The following CAP2 variants were observed in gnomAD, a reference collection of about 807,000 sequenced individuals.
CAP2 encodes adenylyl cyclase-associated protein 2.
A neutral mutation model predicts 57.7 loss-of-function variants in CAP2; 24 were observed. The observed-to-expected ratio is 0.42, with a 90% CI of 0.30 to 0.58. The LOEUF is 0.58. CAP2 is among the 20% of genes least tolerant of loss of function. The pLI is 0.22. For synonymous variants in CAP2, 194 were observed against 207.2 expected (o/e 0.94, Z 0.55); for missense variants, 501 against 590.3 (o/e 0.85, Z 1.57).
intron 3 of CAP2, among the ~76,000 whole-genome samples, chr6:17,461,296 G>A (rs1760715248): frequency 1.3e-5 from 2 of 151,052 alleles, no homozygotes; most frequent in African/African-American, 2.4e-5. Context: ...GCACAATCTC[G>A]GCTCACTGCA....
intron 7 of CAP2, among the ~76,000 whole-genome samples, chr6:17,521,556 A>G (rs920175753): frequency 6.6e-6 from 1 of 152,232 alleles, no homozygotes; most frequent in Non-Finnish European, 1.5e-5. Flanking sequence ...AGCATCTACT[A>G]TGCACTGAGT....
intron 1 of CAP2, among the ~76,000 whole-genome samples, chr6:17,394,613 T>A (rs1051311596): frequency 1.2e-4 from 19 of 152,210 alleles, no homozygotes; most frequent in Admixed American, 1.2e-3. Context: ...TTTGGTTTTA[T>A]AGTTATGGAA....
chr6:17,408,810 C>T (rs186452580), intron 1 of CAP2, among the ~76,000 whole-genome samples: 3 of 151,466 alleles, frequency 2.0e-5, no homozygotes, highest in South Asian at 2.1e-4. Flanking sequence ...GCTTGGACTG[C>T]AGGCGCCCGC....
intron 3 of CAP2, among the ~76,000 whole-genome samples, chr6:17,461,992 C>CAAAAAAAAAAAAAAAAAAAAAAAA (rs567675285): frequency 3.2e-4 from 9 of 27,862 alleles, no homozygotes; most frequent in Non-Finnish European, 7.7e-4. Flanking sequence ...GACTCCGTCT[C>CAAAAAAAAAAAAAAAAAAAAAAAA]AAAAAAAAAA....
rs904948131 is a variant in CAP2 at position 17,397,488 on chromosome 6, A to G, written c.-2+3742A>G. The stretch of plus-strand genomic sequence containing the variant: ...GGCGGGCGCATCACGAGGTCAGGAG[A>G]TCGAGACCATCCTGGCTAACGTGGT... On this transcript the variant is annotated intron_variant, in intron 1 of 12. Transcript: ENST00000229922. Among the ~76,000 whole-genome samples the G allele has an allele frequency of 2.7e-4, 41 of 151,974 alleles. 1 individual carries two copies. Among genetic ancestry groups the G allele is most frequent in the African/African-American group, 9.9e-4 (41 of 41,438 alleles).
At chr6:17,537,782 A>C (rs1466973275) in intron 7 of CAP2, among the ~76,000 whole-genome samples, 1 of 152,182 alleles carries the variant, frequency 6.6e-6, no homozygotes, top group Non-Finnish European at 1.5e-5. Context: ...AAAGTAAAAC[A>C]GGGCCGGGCA....
chr6:17,502,261 G>C (rs1453218840), intron 4 of CAP2, among the ~76,000 whole-genome samples: 1 of 152,128 alleles, frequency 6.6e-6, no homozygotes, highest in Non-Finnish European at 1.5e-5. Flanking sequence ...GAAACAAGTT[G>C]AAGTACCTCT....
chr6:17,431,653 C>G (rs1040562662), intron 3 of CAP2, among the ~76,000 whole-genome samples: 2 of 152,184 alleles, frequency 1.3e-5, no homozygotes, highest in African/African-American at 4.8e-5. Context: ...TGAGAAGTCT[C>G]TGTTCCTCTG....
chr6:17,437,677 G>C (rs1759931788), intron 3 of CAP2, among the ~76,000 whole-genome samples: 1 of 152,094 alleles, frequency 6.6e-6, no homozygotes, highest in South Asian at 2.1e-4. Context: ...AAAAGATCAA[G>C]ACCAGTCTGG....
intron 11 of CAP2, among the ~76,000 whole-genome samples, chr6:17,546,954 C>T (rs1377783205): frequency 6.6e-6 from 1 of 152,166 alleles, no homozygotes; most frequent in Non-Finnish European, 1.5e-5. Context: ...CCCAAAATCT[C>T]TTTAAGCTGA....
intron 12 of CAP2, among the ~76,000 whole-genome samples, chr6:17,551,901 T>C (rs1455843761): frequency 6.6e-6 from 1 of 152,184 alleles, no homozygotes; most frequent in Non-Finnish European, 1.5e-5. Context: ...CTAAATATTT[T>C]CCTTTGCTCT....
chr6:17,484,502 A>G (rs1761373846), intron 4 of CAP2, among the ~76,000 whole-genome samples: 1 of 152,210 alleles, frequency 6.6e-6, no homozygotes, highest in Non-Finnish European at 1.5e-5. Flanking sequence ...TGTCAGACTC[A>G]TTTCAGCTGA....
intron 1 of CAP2, among the ~76,000 whole-genome samples, chr6:17,416,149 G>A (rs1356985759): frequency 3.1e-5 from 3 of 96,582 alleles, no homozygotes; most frequent in African/African-American, 8.8e-5. Flanking sequence ...CATACACGTA[G>A]ACTTGAGAAA....
At chr6:17,429,288 C>T (rs1045273704) in intron 3 of CAP2, among the ~76,000 whole-genome samples, 2 of 152,176 alleles carry the variant, frequency 1.3e-5, no homozygotes, top group African/African-American at 4.8e-5. Flanking sequence ...CTGTCTTGAA[C>T]ACTATGACAG....
intron 4 of CAP2, among the ~76,000 whole-genome samples, chr6:17,475,120 G>T (rs1238043867): frequency 6.6e-6 from 1 of 151,848 alleles, no homozygotes; most frequent in Non-Finnish European, 1.5e-5. Context: ...ACTTGAACCT[G>T]GGAGGCGGAG....
At chr6:17,521,395 G>A (rs1762388768) in intron 7 of CAP2, among the ~76,000 whole-genome samples, 1 of 152,034 alleles carries the variant, frequency 6.6e-6, no homozygotes, top group Non-Finnish European at 1.5e-5. Context: ...TCCAGCCTGG[G>A]CCACAGAGCG....
At chr6:17,440,913 A>G (rs552074991) in intron 3 of CAP2, among the ~76,000 whole-genome samples, 1 of 151,146 alleles carries the variant, frequency 6.6e-6, no homozygotes, top group Non-Finnish European at 1.5e-5. Flanking sequence ...GAGTGAGAAC[A>G]TGCAATGTTT....
chr6:17,508,491 A>G (rs753756356), intron 6 of CAP2, among the ~76,000 whole-genome samples: 19 of 152,168 alleles, frequency 1.2e-4, no homozygotes, highest in Non-Finnish European at 2.2e-4. Flanking sequence ...TTGTACTCTA[A>G]ACAGCTGGCT....
intron 4 of CAP2, among the ~76,000 whole-genome samples, chr6:17,498,864 G>T (rs545297757): frequency 1.3e-5 from 2 of 152,026 alleles, no homozygotes; most frequent in Non-Finnish European, 2.9e-5. Context: ...GATTAGCTGG[G>T]ATTACAGGCG....
Sources: allele counts gnomAD v4.1 joint callset (sites outside exome capture counted in the v4.1 genomes callset), GRCh38; gene constraint gnomAD v4.1.1; transcripts MANE v1.5; gene names NCBI Gene and HGNC (gene_info 2026-07-23, HGNC 2026-07-21).